The following DGCR8 variants were observed in gnomAD, a reference collection of about 807,000 sequenced individuals.
DGCR8 encodes the protein microprocessor complex subunit DGCR8.
Under a neutral mutation model 78.5 loss-of-function variants are expected in DGCR8, and 14 were observed. That is an observed-to-expected ratio of 0.18 (90% confidence interval 0.12 to 0.28). DGCR8 has a LOEUF of 0.28. Ranked by LOEUF, DGCR8 falls within the 10% of genes least tolerant of loss-of-function variation. The probability of loss-of-function intolerance (pLI) is 1.00; values close to 1 mark genes in which losing one functional copy is unlikely to be tolerated. For synonymous variants in DGCR8, 399 were observed against 402.4 expected (o/e 0.99, Z 0.10); for missense variants, 702 against 1,022.5 (o/e 0.69, Z 4.28).
In DGCR8 at chr22:20,106,296, T is replaced by A; in HGVS notation, c.1889+19T>A. On this transcript the variant is annotated intron_variant, in intron 10 of 13. Transcript: ENST00000351989. ...TTAAAAGGTAGGGTAGGGGGGTGCC[T>A]CCCCCCATGAGTCAGGTCGGGGGAG... 4 of 1,569,370 alleles carry A rather than the reference T, an allele frequency of 2.5e-6. No individual in the cohort carries two copies. The highest frequency in any genetic ancestry group is 3.5e-6 in the Non-Finnish European group (4 of 1,141,310).
Position 20,106,977 on chromosome 22 carries a change from C to T in DGCR8, c.1996+279C>T, listed in dbSNP as rs1402739684. 2.1e-5 allele frequency: 12 copies of T among 575,348 alleles called. No individual in the cohort carries two copies. In the East Asian group the frequency reaches 3.5e-4, roughly 17 times the overall value. The allele number at this position is 575,348 out of a possible 1,614,324, so 35.6% of individuals were successfully genotyped here. On this transcript the variant is annotated intron_variant, in intron 11 of 13. Transcript: ENST00000351989. ...TCCTCCTCGAACAGCCAGCAGAATCCTGCTGCTCCCTGTTTCTGGAGGTGT... is the reference window on the plus strand; with the variant it reads ...TCCTCCTCGAACAGCCAGCAGAATCTTGCTGCTCCCTGTTTCTGGAGGTGT...
At chr22:20,109,766 C>T (rs905797567) in intron 13 of DGCR8, among the ~76,000 whole-genome samples, 1 of 152,242 alleles carries the variant, frequency 6.6e-6, no homozygotes, top group African/African-American at 2.4e-5. Context: ...CAAAATTCTT[C>T]ACTTCTTGGT....
Position 20,101,869 on chromosome 22 carries a change from G to A in DGCR8, c.1789-4308G>A, listed in dbSNP as rs1488607082. 7 of 985,376 alleles carry A rather than the reference G, an allele frequency of 7.1e-6. No homozygotes were observed. In the South Asian group the frequency reaches 1.4e-4, roughly 20 times the overall value. 61.0% of individuals were successfully genotyped at this position (985,376 alleles called of 1,614,324 possible). The stretch of plus-strand genomic sequence containing the variant: ...AGTATCCCCTCCTTGTGTGGACTCC[G>A]GAGGTGGGGTTGACATGTCAGGAGG... On this transcript the variant is annotated intron_variant, in intron 9 of 13. Transcript: ENST00000351989.
intron 1 of DGCR8, among the ~76,000 whole-genome samples, chr22:20,082,610 G>A (rs2049431080): frequency 6.6e-6 from 1 of 151,376 alleles, no homozygotes; most frequent in African/African-American, 2.4e-5. Flanking sequence ...CTTGTGGTCC[G>A]CCTGCCTCAG....
At position 20,110,131 on chromosome 22, in the gene DGCR8, G is replaced by T; in HGVS notation, c.*23G>T. The T allele has an allele frequency of 6.2e-7, 1 of 1,600,618 alleles. No individual in the cohort carries two copies. Among genetic ancestry groups the T allele is most frequent in the Non-Finnish European group, 8.5e-7 (1 of 1,178,144 alleles). On this transcript the variant is annotated 3_prime_UTR_variant, in exon 14 of 14. Coordinates refer to ENST00000351989, the MANE Select transcript of DGCR8 (RefSeq NM_022720.7). ...TGAGGGAGGTGGCACGGGCCAGGGC[G>T]CGGGGGCCGCCAGCCGCACTTCTGA...
At chr22:20,080,590 GGCCC>G in intron 1 of DGCR8, 2 of 688,070 alleles carry the variant, frequency 2.9e-6, no homozygotes, top group Non-Finnish European at 3.6e-6. Flanking sequence ...GCGGGCCCCG[GGCCC>G]AGGCGTTGCC....
In DGCR8 at chr22:20,106,692, G is replaced by A; in HGVS notation, c.1990G>A (p.Gly664Arg). Residue 664 changes from glycine to arginine, a missense_variant, in exon 11 of 14, where the codon GGG becomes AGG. Physicochemically the swap from Gly to Arg is moderately radical, Grantham distance 125. Transcript: ENST00000351989. ...VMACGKHTVR[G>R]WCKNKRVGKQ... ...GGCGTGTGGCAAGCACACAGTGCGC[G>A]GGTGGTGTAAGGACTCCTTCTCTGC... 6.2e-7 allele frequency: 1 copy of A among 1,613,034 alleles called. No homozygotes were observed. The highest frequency in any genetic ancestry group is 8.5e-7 in the Non-Finnish European group (1 of 1,179,010).
chr22:20,107,113 T>C, intron 11 of DGCR8, 158 bp from the exon 12 acceptor site: 1 of 746,328 alleles, frequency 1.3e-6, no homozygotes, highest in Non-Finnish European at 2.3e-6. Flanking sequence ...ACTGTGAGAC[T>C]CAGGTGCCCA....
At position 20,106,621 on chromosome 22, in the gene DGCR8, A is replaced by G. The variant is rs781521092; in HGVS notation, c.1919A>G (p.Lys640Arg). The G allele has an allele frequency of 4.3e-6, 7 of 1,613,922 alleles. No homozygotes were observed. The South Asian group carries it at 6.6e-5, about 15-fold the overall frequency. Residue 640 changes from lysine (K) to arginine (R), a missense_variant, in exon 11 of 14, where the codon AAG (lysine) becomes AGG (arginine). This residue lies in a region of DGCR8 where 225 missense variants were observed against 427.7 expected (regional missense o/e 0.53). Coordinates refer to ENST00000351989, the MANE Select transcript of DGCR8 (RefSeq NM_022720.7). ...CATGGGATGGGTGACACGTCTATCA[A>G]GTTTGAAGTGGTTCCTGGGAAAAAC... The part of the protein sequence containing the change: ...RNHGMGDTSI[K>R]FEVVPGKNQK...
In DGCR8 at chr22:20,110,264, C is replaced by T; in HGVS notation, c.*156C>T. 1.5e-6 allele frequency: 1 copy of T among 679,206 alleles called. No individual in the cohort carries two copies. The highest frequency in any genetic ancestry group is 2.8e-5 in the East Asian group (1 of 36,134). The allele number at this position is 679,206 out of a possible 1,614,324, so 42.1% of individuals were successfully genotyped here. ...GCCTTAGGGTGGAGGCTTTAGTGTA[C>T]AGGGACAGCCATGGCCACACAGCAC... On this transcript the variant is annotated 3_prime_UTR_variant, in exon 14 of 14. Coordinates refer to ENST00000351989, the MANE Select transcript of DGCR8 (RefSeq NM_022720.7).
intron 8 of DGCR8, among the ~76,000 whole-genome samples, chr22:20,094,462 T>C (rs2147926604): frequency 6.6e-6 from 1 of 152,352 alleles, no homozygotes; most frequent in East Asian, 1.9e-4. Context: ...CCTCCCTGCC[T>C]GCTCCCAGGA....
rs185715905 is a variant in DGCR8 at position 20,103,205 on chromosome 22, T to C, written c.1789-2972T>C. Among the ~76,000 whole-genome samples, 146 of 152,158 alleles carry C rather than the reference T, an allele frequency of 9.6e-4. 1 individual carries two copies. Among genetic ancestry groups the C allele is most frequent in the African/African-American group, 3.4e-3 (139 of 41,478 alleles). ...ATCCTGTAGATCAATCTGGGGAGAA[T>C]GGACATCCTAACAATATTGGATTTT... is the stretch of plus-strand genomic sequence containing the variant. On this transcript the variant is annotated intron_variant, in intron 9 of 13. Coordinates refer to ENST00000351989, the MANE Select transcript of DGCR8 (RefSeq NM_022720.7).
chr22:20,099,898 A>T (rs1356169972), intron 9 of DGCR8, among the ~76,000 whole-genome samples: 1 of 151,908 alleles, frequency 6.6e-6, no homozygotes, highest in Non-Finnish European at 1.5e-5. Context: ...GCCTCCCAGG[A>T]TGATGGGATT....
At position 20,085,461 on chromosome 22, in the gene DGCR8, A is replaced by G. The variant is rs2147914672; in HGVS notation, c.-277-226A>G. Reference sequence around the variant, plus strand: ...TAGTTTTTGTGTTTCTGAAGTAGGAATTAAAGTGGGCATTAACAAAATATT... The same window carrying G: ...TAGTTTTTGTGTTTCTGAAGTAGGAGTTAAAGTGGGCATTAACAAAATATT... On this transcript the variant is annotated intron_variant, in intron 1 of 13. Transcript: ENST00000351989. The surrounding 1 kb of genome is among the most constrained non-coding windows in gnomAD (Gnocchi z 6.2). Among the ~76,000 whole-genome samples the G allele has an allele frequency of 6.6e-6, 1 of 152,336 alleles. No individual in the cohort carries two copies. The highest frequency in any genetic ancestry group is 2.1e-4 in the South Asian group (1 of 4,830).
chr22:20,099,584 G>C (rs2049670721), intron 9 of DGCR8, among the ~76,000 whole-genome samples: 1 of 152,222 alleles, frequency 6.6e-6, no homozygotes, highest in Non-Finnish European at 1.5e-5. Flanking sequence ...CTTGTTCTTA[G>C]CAAGACTCGT....
chr22:20,097,250 G>A (rs1243804539), intron 9 of DGCR8, among the ~76,000 whole-genome samples: 1 of 152,078 alleles, frequency 6.6e-6, no homozygotes, highest in Non-Finnish European at 1.5e-5. Flanking sequence ...GTGAAGGATT[G>A]GTGTTCATTT....
In DGCR8 at chr22:20,111,599, A is replaced by C. The variant is rs1197114442; in HGVS notation, c.*1491A>C. 4 of 388,878 alleles carry C rather than the reference A, an allele frequency of 1.0e-5. No individual in the cohort carries two copies. The highest frequency in any genetic ancestry group is 8.3e-5 in the African/African-American group (4 of 48,216). 24.1% of individuals were successfully genotyped at this position (388,878 alleles called of 1,614,324 possible). A position where few individuals can be genotyped will look rare whatever the true frequency, so the allele number is the denominator to read the frequency against. ...GCCAGCCAGATGCGCCTGTGAACCA[A>C]AGCTTCGTGCACATGTGTTCCCCTA... On this transcript the variant is annotated 3_prime_UTR_variant, in exon 14 of 14. Coordinates refer to ENST00000351989, the MANE Select transcript of DGCR8 (RefSeq NM_022720.7).
rs776046259 is a variant in DGCR8, at chr22:20,086,636, G to A, written c.673G>A (p.Val225Ile). Reference sequence around the variant, plus strand: ...AGGCGGGTTCACGGCTAAAGCAATCGTTCAGAGAGACAGAGTGGATGAAGA... The same window carrying A: ...AGGCGGGTTCACGGCTAAAGCAATCATTCAGAGAGACAGAGTGGATGAAGA... Reference protein sequence around the residue: ...GAGGFTAKAIVQRDRVDEEAL... With the variant: ...GAGGFTAKAIIQRDRVDEEAL... The change falls in exon 2 of 14, where the codon GTT (valine) becomes ATT (isoleucine). Residue 225 changes from valine to isoleucine, a missense_variant. This residue lies in a region of DGCR8 where 356 missense variants were observed against 448.9 expected (regional missense o/e 0.79). Transcript: ENST00000351989. This position sits in a 1 kb window ranked among gnomAD's most constrained non-coding sequence, Gnocchi z 6.4. 78 of 1,611,514 alleles carry A rather than the reference G, an allele frequency of 4.8e-5. No homozygotes were observed. The Middle Eastern group carries it at 4.9e-4, about 10-fold the overall frequency.
intron 11 of DGCR8, 54 bp from the exon 12 acceptor site, chr22:20,107,217 A>G: frequency 6.2e-7 from 1 of 1,612,076 alleles, no homozygotes; most frequent in Non-Finnish European, 8.5e-7. Context: ...AGGGGGCCCC[A>G]TGAGCACTGG....
Sources: gnomAD v4.1 joint callset for allele counts (sites outside exome capture counted in the v4.1 genomes callset) on GRCh38, gnomAD v4.1.1 for gene constraint, gnomAD v4.1.1 regional missense constraint, Gnocchi (gnomAD v3.1) non-coding constraint, MANE v1.5 for transcripts, NCBI Gene and HGNC (gene_info 2026-07-23, HGNC 2026-07-21) for gene names.